The following KIAA1328 variants were observed in gnomAD, a reference collection of about 807,000 sequenced individuals.
KIAA1328 encodes KIAA1328, also known as protein hinderin.
In KIAA1328, 52 loss-of-function variants were observed where a neutral mutation model predicts 68.1. The ratio of observed to expected loss-of-function variants is 0.76; its 90% CI spans 0.61 to 0.96. The LOEUF (loss-of-function observed/expected upper bound fraction) is 0.96. Among genes scored for constraint, KIAA1328 ranks in the 40% least tolerant of loss-of-function variants. The pLI is 0.00. For synonymous variants in KIAA1328, 232 were observed against 239.4 expected, an observed-to-expected ratio of 0.97 and a Z score of 0.28; for missense variants, 641 against 677.6, an observed-to-expected ratio of 0.95 and a Z score of 0.60.
At chr18:36,830,157 T>C (rs946337099) in intron 1 of KIAA1328, among the ~76,000 whole-genome samples, 13 of 152,196 alleles carry the variant, frequency 8.5e-5, no homozygotes, top group African/African-American at 2.9e-4. Context: ...TCTTCTTAGC[T>C]CCCAGTGAAA....
At chr18:37,040,791 C>T (rs2055214999) in intron 6 of KIAA1328, among the ~76,000 whole-genome samples, 1 of 151,542 alleles carries the variant, frequency 6.6e-6, no homozygotes, top group South Asian at 2.1e-4. Flanking sequence ...CTTCCTTCCC[C>T]TTTGACTTCC....
chr18:37,218,528 A>G (rs2060492667), intron 9 of KIAA1328, among the ~76,000 whole-genome samples: 1 of 152,188 alleles, frequency 6.6e-6, no homozygotes, highest in Admixed American at 6.5e-5. Context: ...AGTGAGCTAG[A>G]GTAAAAAACA....
At chr18:37,134,396 A>G (rs961627773) in intron 7 of KIAA1328, among the ~76,000 whole-genome samples, 1 of 152,192 alleles carries the variant, frequency 6.6e-6, no homozygotes, top group Non-Finnish European at 1.5e-5. Flanking sequence ...GTTTACTGTA[A>G]TATGTAAATA....
At chr18:37,084,071 A>C in intron 7 of KIAA1328, 1 of 1,046,180 alleles carries the variant, frequency 9.6e-7, no homozygotes, top group Non-Finnish European at 1.3e-6. Context: ...AAAATTTATC[A>C]TTCAGGTTAT....
intron 5 of KIAA1328, among the ~76,000 whole-genome samples, chr18:36,907,938 G>A (rs963106585): frequency 6.6e-6 from 1 of 152,020 alleles, no homozygotes; most frequent in Non-Finnish European, 1.5e-5. Flanking sequence ...TTTCTTACAG[G>A]CCTTGTATGG....
At chr18:37,021,722 T>G (rs953445649) in intron 6 of KIAA1328, among the ~76,000 whole-genome samples, 13 of 152,188 alleles carry the variant, frequency 8.5e-5, no homozygotes, top group East Asian at 1.9e-4. Context: ...CAGGGGAGCT[T>G]CTTCTTTTTT....
At chr18:36,897,337 G>A (rs1051565132) in intron 5 of KIAA1328, among the ~76,000 whole-genome samples, 9 of 152,012 alleles carry the variant, frequency 5.9e-5, no homozygotes, top group African/African-American at 2.2e-4. Flanking sequence ...GAAAATCCAG[G>A]CATCTAAAGA....
intron 9 of KIAA1328, among the ~76,000 whole-genome samples, chr18:37,213,396 G>C (rs2060356836): frequency 1.3e-5 from 2 of 152,288 alleles, no homozygotes; most frequent in Non-Finnish European, 1.5e-5. Flanking sequence ...AGAATATGCG[G>C]TGTTTGGTTT....
intron 5 of KIAA1328, among the ~76,000 whole-genome samples, chr18:36,926,371 A>ATCTC (rs575375124): frequency 1.4e-5 from 2 of 141,516 alleles, no homozygotes; most frequent in Non-Finnish European, 3.1e-5. Context: ...TTCTTTCTCT[A>ATCTC]TCTCTCTCTC....
intron 5 of KIAA1328, among the ~76,000 whole-genome samples, chr18:36,913,938 T>G (rs1260514654): frequency 6.6e-6 from 1 of 152,206 alleles, no homozygotes; most frequent in African/African-American, 2.4e-5. Context: ...TTTGGAATTT[T>G]TTGAGGCTTG....
At chr18:37,188,098 A>G (rs2059838162) in intron 9 of KIAA1328, among the ~76,000 whole-genome samples, 1 of 152,222 alleles carries the variant, frequency 6.6e-6, no homozygotes, top group African/African-American at 2.4e-5. Context: ...AAATGAAAGT[A>G]TGGACTTTCA....
At chr18:37,011,371 T>C (rs559003786) in intron 6 of KIAA1328, among the ~76,000 whole-genome samples, 6 of 152,298 alleles carry the variant, frequency 3.9e-5, no homozygotes, top group African/African-American at 1.4e-4. Flanking sequence ...GGAGTCATAA[T>C]TGACTTCTCT....
intron 9 of KIAA1328, among the ~76,000 whole-genome samples, chr18:37,184,243 G>A (rs1319017335): frequency 6.6e-6 from 1 of 152,056 alleles, no homozygotes; most frequent in Admixed American, 6.6e-5. Flanking sequence ...TTATATCCCA[G>A]AACTTCCTTG....
At chr18:37,140,827 A>G (rs1017964826) in intron 7 of KIAA1328, among the ~76,000 whole-genome samples, 6 of 152,206 alleles carry the variant, frequency 3.9e-5, no homozygotes, top group African/African-American at 2.4e-5. Flanking sequence ...TTCTATTAAC[A>G]AATAATTCAT....
intron 6 of KIAA1328, among the ~76,000 whole-genome samples, chr18:36,971,761 A>C (rs1178009953): frequency 6.6e-6 from 1 of 152,232 alleles, no homozygotes; most frequent in South Asian, 2.1e-4. Context: ...GCAAACTAAC[A>C]GGAACAGAAA....
chr18:36,904,922 T>A (rs2049163658), intron 5 of KIAA1328, among the ~76,000 whole-genome samples: 1 of 152,060 alleles, frequency 6.6e-6, no homozygotes, highest in African/African-American at 2.4e-5. Context: ...CTTTAACAAA[T>A]CAATTAACCT....
At chr18:37,140,459 C>T (rs1007937288) in intron 7 of KIAA1328, among the ~76,000 whole-genome samples, 3 of 152,190 alleles carry the variant, frequency 2.0e-5, no homozygotes, top group South Asian at 4.1e-4. Flanking sequence ...GACAGACTAT[C>T]GCGATATAAG....
At chr18:36,905,102 TA>T (rs2049170451) in intron 5 of KIAA1328, among the ~76,000 whole-genome samples, 1 of 150,022 alleles carries the variant, frequency 6.7e-6, no homozygotes, top group Non-Finnish European at 1.5e-5. Context: ...TTTATTTATT[TA>T]TTTATTTATT....
intron 6 of KIAA1328, among the ~76,000 whole-genome samples, chr18:37,027,477 G>C (rs1487250319): frequency 6.6e-6 from 1 of 152,138 alleles, no homozygotes; most frequent in Non-Finnish European, 1.5e-5. Flanking sequence ...ATGCTACAAG[G>C]CTACAGTAAC....
Sources: allele counts gnomAD v4.1 joint callset (sites outside exome capture counted in the v4.1 genomes callset), GRCh38; gene constraint gnomAD v4.1.1; transcripts MANE v1.5; gene names NCBI Gene and HGNC (gene_info 2026-07-23, HGNC 2026-07-21).